DYSF: variants seen among roughly 807,000 people sequenced by gnomAD.
The protein encoded by DYSF is dysferlin.
In DYSF, 212 loss-of-function variants were observed where a neutral mutation model predicts 274.9. The observed-to-expected ratio is 0.77, with a 90% CI of 0.69 to 0.86. The LOEUF is 0.86. Among genes scored for constraint, DYSF ranks in the 40% least tolerant of loss-of-function variants. The probability of loss-of-function intolerance (pLI) is 0.00; values close to 1 mark genes in which losing one functional copy is unlikely to be tolerated. For missense variants in DYSF, 2,666 were observed against 2,783.2 expected, an observed-to-expected ratio of 0.96 and a Z score of 0.95; for synonymous variants, 1,091 against 1,078.7, an observed-to-expected ratio of 1.01 and a Z score of -0.22.
At chr2:71,508,040 C>G (rs1042788044) in intron 4 of DYSF, among the ~76,000 whole-genome samples, 3 of 152,212 alleles carry the variant, frequency 2.0e-5, no homozygotes, top group Non-Finnish European at 2.9e-5. Context: ...TCATGCTAAT[C>G]TTGGAGGGCC....
At chr2:71,529,555 G>A (rs539481080) in intron 14 of DYSF, among the ~76,000 whole-genome samples, 1 of 152,212 alleles carries the variant, frequency 6.6e-6, no homozygotes, top group Non-Finnish European at 1.5e-5. Flanking sequence ...TCACAACAGA[G>A]AGCCATAATG....
chr2:71,547,339 CAAAT>C (rs1397315432), intron 17 of DYSF, among the ~76,000 whole-genome samples: 1 of 152,204 alleles, frequency 6.6e-6, no homozygotes, highest in African/African-American at 2.4e-5. Flanking sequence ...GCTGAATGAA[CAAAT>C]GAATGAAAGA....
chr2:71,549,090 CAG>C (rs2090724904), intron 17 of DYSF, among the ~76,000 whole-genome samples: 1 of 152,208 alleles, frequency 6.6e-6, no homozygotes, highest in Non-Finnish European at 1.5e-5. Flanking sequence ...ACGGAACACA[CAG>C]AGTGATGGGC....
chr2:71,611,387 T>G, intron 37 of DYSF, 41 bp downstream of exon 37: 1 of 1,613,694 alleles, frequency 6.2e-7, no homozygotes. Flanking sequence ...GGGAGCAGCC[T>G]GCCCTTCCCC....
intron 16 of DYSF, among the ~76,000 whole-genome samples, chr2:71,536,450 C>A (rs935409204): frequency 6.6e-6 from 1 of 152,236 alleles, no homozygotes; most frequent in African/African-American, 2.4e-5. Context: ...TGTGGGGAAG[C>A]GGTTTGGAGG....
At chr2:71,611,124 T>C in intron 36 of DYSF, 121 bp from the exon 37 acceptor site, 1 of 810,730 alleles carries the variant, frequency 1.2e-6, no homozygotes, top group South Asian at 1.4e-5. Context: ...ACTTCTGTCT[T>C]TCCTTCTCTG....
rs552655119 is a variant in DYSF, at chr2:71,673,089, T to C, written c.5785-1108T>C. On this transcript the variant is annotated intron_variant, in intron 51 of 55. Coordinates refer to ENST00000410020, the MANE Select transcript of DYSF (RefSeq NM_001130987.2). ...CAGGCATTTGGTGGAGCTTTTCCCCTGCAGAGTTGGGTCCAGGCCCTTGCT... is the reference window on the plus strand; with the variant it reads ...CAGGCATTTGGTGGAGCTTTTCCCCCGCAGAGTTGGGTCCAGGCCCTTGCT... Among the ~76,000 whole-genome samples the C allele has an allele frequency of 2.2e-4, 34 of 152,288 alleles. No homozygotes were observed. The South Asian group carries it at 6.6e-3, about 30-fold the overall frequency.
At chr2:71,539,102 C>G in intron 16 of DYSF, 55 bp from the exon 17 acceptor site, 1 of 1,508,460 alleles carries the variant, frequency 6.6e-7, no homozygotes, top group South Asian at 1.1e-5. Context: ...CCTGGGTGGG[C>G]TGTGGCCTGC....
At chr2:71,472,645 A>G (rs1573331357) in intron 1 of DYSF, among the ~76,000 whole-genome samples, 1 of 152,192 alleles carries the variant, frequency 6.6e-6, no homozygotes, top group East Asian at 1.9e-4. Flanking sequence ...TGACTTCGTG[A>G]TCCACCCGCC....
intron 7 of DYSF, among the ~76,000 whole-genome samples, chr2:71,514,516 T>C (rs562682611): frequency 6.6e-6 from 1 of 152,240 alleles, no homozygotes; most frequent in Non-Finnish European, 1.5e-5. Flanking sequence ...ATGAACACTT[T>C]GACACATTTT....
Position 71,569,928 on chromosome 2 carries a change from C to A in DYSF, c.2973C>A (p.Thr991=). Reference sequence around the variant, plus strand: ...GGATCTACATGAGTGACAACTACACCGATGTGGTAAAGCAGGCACTCAGGG... The same window carrying A: ...GGATCTACATGAGTGACAACTACACAGATGTGGTAAAGCAGGCACTCAGGG... The part of the protein sequence containing the change: ...GQWIYMSDNY[T]DVNGEKVLPK... Residue 991 remains threonine, a synonymous_variant, in exon 27 of 56, where the codon ACC becomes ACA. Coordinates refer to ENST00000410020, the MANE Select transcript of DYSF (RefSeq NM_001130987.2). The A allele has an allele frequency of 6.2e-7, 1 of 1,613,840 alleles. No individual in the cohort carries two copies. The highest frequency in any genetic ancestry group is 8.5e-7 in the Non-Finnish European group (1 of 1,179,836).
intron 53 of DYSF, among the ~76,000 whole-genome samples, chr2:71,679,923 T>A (rs1006069532): frequency 6.6e-6 from 1 of 152,184 alleles, no homozygotes; most frequent in Non-Finnish European, 1.5e-5. Flanking sequence ...AGTAATTAAA[T>A]AAAGGGATAC....
intron 43 of DYSF, among the ~76,000 whole-genome samples, chr2:71,657,257 C>G (rs2094792449): frequency 6.6e-6 from 1 of 152,224 alleles, no homozygotes; most frequent in Non-Finnish European, 1.5e-5. Context: ...GACTCCAGGT[C>G]TCACATCTAG....
chr2:71,488,930 T>C (rs1265444747), intron 3 of DYSF, among the ~76,000 whole-genome samples: 3 of 151,950 alleles, frequency 2.0e-5, no homozygotes, highest in Non-Finnish European at 4.4e-5. Context: ...ACCTGAGAAC[T>C]TTCCTGAGCC....
intron 41 of DYSF, among the ~76,000 whole-genome samples, chr2:71,627,630 T>C (rs1406452293): frequency 6.6e-6 from 1 of 152,104 alleles, no homozygotes; most frequent in African/African-American, 2.4e-5. Context: ...CTCCTGATTT[T>C]TGTGTGTGTG....
At chr2:71,532,644 G>A (rs1386436059) in intron 14 of DYSF, among the ~76,000 whole-genome samples, 1 of 152,156 alleles carries the variant, frequency 6.6e-6, no homozygotes, top group Admixed American at 6.5e-5. Context: ...GATGGAGGAG[G>A]GCCAGATGCC....
intron 36 of DYSF, among the ~76,000 whole-genome samples, chr2:71,610,210 C>A (rs546819622): frequency 6.6e-6 from 1 of 152,294 alleles, no homozygotes; most frequent in East Asian, 1.9e-4. Flanking sequence ...GTCTTAAGCA[C>A]ATTTTTCTCT....
Position 71,493,170 on chromosome 2 carries a change from G to A in DYSF, c.240-10044G>A, listed in dbSNP as rs563096491. ...TCCTAAAGTGGTGGGATTACAGGAG[G>A]GAGCTACAGCACCTGGCTGATACCA... On this transcript the variant is annotated intron_variant, in intron 3 of 55. Transcript: ENST00000410020. Among the ~76,000 whole-genome samples, 6 of 152,228 alleles carry A rather than the reference G, an allele frequency of 3.9e-5. No homozygotes were observed. The East Asian group carries it at 1.2e-3, about 29-fold the overall frequency.
chr2:71,614,350 C>T (rs2093836370), intron 40 of DYSF, among the ~76,000 whole-genome samples: 1 of 152,232 alleles, frequency 6.6e-6, no homozygotes, highest in Non-Finnish European at 1.5e-5. Context: ...ACACCTGTGT[C>T]CTCGGGCCTT....
Sources: allele counts gnomAD v4.1 joint callset (sites outside exome capture counted in the v4.1 genomes callset), GRCh38; gene constraint gnomAD v4.1.1; transcripts MANE v1.5; gene names NCBI Gene and HGNC (gene_info 2026-07-23, HGNC 2026-07-21).